TENM3: variants seen among roughly 807,000 people sequenced by gnomAD.
The protein encoded by TENM3 is teneurin-3.
Under a neutral mutation model 255.1 loss-of-function variants are expected in TENM3, and 63 were observed. The ratio of observed to expected loss-of-function variants is 0.25; its 90% CI spans 0.20 to 0.30. The LOEUF is 0.30. Among genes scored for constraint, TENM3 ranks in the 10% least tolerant of loss-of-function variants. The pLI is 1.00. For missense variants in TENM3, 2,929 were observed against 3,461.1 expected (o/e 0.85, Z 3.86); for synonymous variants, 1,306 against 1,322.3 (o/e 0.99, Z 0.27).
chr4:182,655,793 C>T (rs1753697673), intron 6 of TENM3, among the ~76,000 whole-genome samples: 2 of 152,140 alleles, frequency 1.3e-5, no homozygotes, highest in African/African-American at 4.8e-5. Flanking sequence ...CATGACAATG[C>T]AATAAGAAAT....
At chr4:182,535,482 C>T (rs1218706473) in intron 3 of TENM3, among the ~76,000 whole-genome samples, 1 of 151,910 alleles carries the variant, frequency 6.6e-6, no homozygotes, top group Non-Finnish European at 1.5e-5. Flanking sequence ...TGCCTGTCAT[C>T]CCAGTGATTT....
intron 1 of TENM3, among the ~76,000 whole-genome samples, chr4:182,296,302 G>A (rs115453947): frequency 1.2e-3 from 181 of 152,246 alleles, no homozygotes; most frequent in African/African-American, 4.1e-3. Context: ...CAATATACTT[G>A]TTTCACTATT....
At chr4:182,459,478 A>G (rs1031016642) in intron 3 of TENM3, among the ~76,000 whole-genome samples, 2 of 152,208 alleles carry the variant, frequency 1.3e-5, no homozygotes, top group East Asian at 1.9e-4. Context: ...AAGGCTTTAT[A>G]CATTAGTTAT....
intron 13 of TENM3, among the ~76,000 whole-genome samples, chr4:182,716,649 T>C (rs752726647): frequency 6.6e-6 from 1 of 152,204 alleles, no homozygotes; most frequent in Non-Finnish European, 1.5e-5. Flanking sequence ...TGTATAAAGA[T>C]GGTATTTTCC....
chr4:181,801,863 G>A, the TENM3 span, among the ~76,000 whole-genome samples: 639 of 151,912 alleles, frequency 4.2e-3, 1 homozygote, highest in Admixed American at 9.2e-3. Context: ...ATGCAACTAA[G>A]CTATAATTTA....
chr4:181,737,774 C>A, the TENM3 span, among the ~76,000 whole-genome samples: 1 of 151,488 alleles, frequency 6.6e-6, no homozygotes. Context: ...ATGATATGCC[C>A]AAGCGGTCAT....
chr4:182,208,112 A>T (rs79569404), intron 1 of TENM3, among the ~76,000 whole-genome samples: 3,646 of 152,304 alleles, frequency 0.024, 140 homozygotes, highest in African/African-American at 0.081. Flanking sequence ...TTAAGCACAG[A>T]GTTAATGTCC....
intron 3 of TENM3, 37 bp downstream of exon 3, chr4:182,346,966 A>G: frequency 6.9e-7 from 1 of 1,457,866 alleles, no homozygotes; most frequent in Non-Finnish European, 9.2e-7. Context: ...GTTGGCATTC[A>G]GTGCTTCTGT....
chr4:182,010,118 A>C, the TENM3 span, among the ~76,000 whole-genome samples: 1 of 152,152 alleles, frequency 6.6e-6, no homozygotes, highest in South Asian at 2.1e-4. Context: ...AGAGCCTCCT[A>C]ATGCTGTTGC....
At position 182,346,781 on chromosome 4, in the gene TENM3, A is replaced by G; in HGVS notation, c.363A>G (p.Glu121=). The change falls in exon 3 of 28, where the codon GAA becomes GAG. Residue 121 remains glutamate (E), a synonymous_variant. Transcript: ENST00000511685. ...GTGCAGGGTCAGATGCTGATACTGA[A>G]AATGAAGCAGTGATGTCCCCAGAGC... ...SISAGSDADT[E]NEAVMSPEHA... The G allele has an allele frequency of 6.2e-7, 1 of 1,613,600 alleles. No individual in the cohort carries two copies. Among genetic ancestry groups the G allele is most frequent in the Non-Finnish European group, 8.5e-7 (1 of 1,179,768 alleles).
the TENM3 span, among the ~76,000 whole-genome samples, chr4:182,121,248 T>A: frequency 6.6e-6 from 1 of 152,092 alleles, no homozygotes; most frequent in Non-Finnish European, 1.5e-5. Context: ...TCCGCCCAAC[T>A]CGGCCTCCCA....
chr4:181,704,982 T>C, the TENM3 span, among the ~76,000 whole-genome samples: 2 of 148,934 alleles, frequency 1.3e-5, no homozygotes, highest in Admixed American at 1.3e-4. Flanking sequence ...TGAGCCCAGA[T>C]CACACCACTG....
chr4:181,878,074 AC>A, the TENM3 span, among the ~76,000 whole-genome samples: 2 of 152,222 alleles, frequency 1.3e-5, no homozygotes, highest in African/African-American at 4.8e-5. Flanking sequence ...TATTGTAGGC[AC>A]CAGACATATT....
intron 1 of TENM3, among the ~76,000 whole-genome samples, chr4:182,292,890 T>A (rs1430873525): frequency 1.3e-5 from 2 of 152,116 alleles, no homozygotes; most frequent in East Asian, 3.9e-4. Flanking sequence ...CTGAAGGATG[T>A]GGAGGAGTTA....
At chr4:182,412,038 C>T (rs1227204098) in intron 3 of TENM3, among the ~76,000 whole-genome samples, 1 of 152,120 alleles carries the variant, frequency 6.6e-6, no homozygotes, top group East Asian at 1.9e-4. Context: ...GTACCTGATC[C>T]AACGCCTGGA....
the TENM3 span, among the ~76,000 whole-genome samples, chr4:181,695,927 T>G: frequency 6.8e-6 from 1 of 146,924 alleles, no homozygotes; most frequent in Admixed American, 6.8e-5. Flanking sequence ...AGGAAAGACT[T>G]TTTTTTTTTT....
chr4:182,014,015 CGTGT>C, the TENM3 span, among the ~76,000 whole-genome samples: 15 of 36,142 alleles, frequency 4.2e-4, no homozygotes, highest in East Asian at 6.5e-4. Context: ...CGTATATATA[CGTGT>C]ATATACGTAT....
At chr4:181,675,720 T>C in the TENM3 span, among the ~76,000 whole-genome samples, 1 of 152,122 alleles carries the variant, frequency 6.6e-6, no homozygotes, top group Non-Finnish European at 1.5e-5. Flanking sequence ...AAATTATCAT[T>C]GCTCTACCGT....
intron 3 of TENM3, among the ~76,000 whole-genome samples, chr4:182,521,656 A>G (rs1738586135): frequency 2.0e-5 from 3 of 152,236 alleles, no homozygotes; most frequent in South Asian, 2.1e-4. Flanking sequence ...AAAGTATAAA[A>G]TATTTTTGAT....
Sources: gnomAD v4.1 joint callset for allele counts (sites outside exome capture counted in the v4.1 genomes callset) on GRCh38, gnomAD v4.1.1 for gene constraint, MANE v1.5 for transcripts, NCBI Gene and HGNC (gene_info 2026-07-23, HGNC 2026-07-21) for gene names.